Variants in DCLK1 observed in about 807,000 individuals in gnomAD.
DCLK1 encodes doublecortin like kinase 1, also known as serine/threonine-protein kinase DCLK1.
DCLK1 carries 16 observed loss-of-function variants against 86.2 expected under a neutral mutation model. The observed-to-expected ratio is 0.19, with a 90% confidence interval of 0.13 to 0.28. The LOEUF is 0.28. Among genes scored for constraint, DCLK1 ranks in the 10% least tolerant of loss-of-function variants. The pLI, the probability that DCLK1 is intolerant of heterozygous loss-of-function variation, is 1.00. For synonymous variants in DCLK1, 369 were observed against 370.5 expected (o/e 1.00, Z 0.05); for missense variants, 590 against 940.2 (o/e 0.63, Z 4.87).
intron 15 of DCLK1, among the ~76,000 whole-genome samples, chr13:35,794,346 G>A (rs921177893): frequency 0.011 from 1,672 of 152,302 alleles, 32 homozygotes; most frequent in African/African-American, 0.038. Flanking sequence ...ACAGATAATA[G>A]AGTGTTTGTA....
intron 8 of DCLK1, among the ~76,000 whole-genome samples, chr13:35,835,675 A>G (rs1869314295): frequency 6.6e-6 from 1 of 152,258 alleles, no homozygotes. Flanking sequence ...CATTACAGAC[A>G]TATACTCTCA....
chr13:35,924,448 G>C (rs561887226), intron 4 of DCLK1, among the ~76,000 whole-genome samples: 1 of 152,232 alleles, frequency 6.6e-6, no homozygotes, highest in Non-Finnish European at 1.5e-5. Flanking sequence ...TCAGGGGTTT[G>C]AGATCAGTCT....
chr13:35,854,046 A>T (rs923214020), intron 6 of DCLK1, among the ~76,000 whole-genome samples: 1 of 152,182 alleles, frequency 6.6e-6, no homozygotes, highest in African/African-American at 2.4e-5. Context: ...CCACAAAAGC[A>T]CGTGTCATAG....
intron 16 of DCLK1, among the ~76,000 whole-genome samples, chr13:35,783,680 G>A (rs2086570165): frequency 6.6e-6 from 1 of 151,982 alleles, no homozygotes; most frequent in African/African-American, 2.4e-5. Flanking sequence ...CGCCTCCCGG[G>A]CCCAAATGAT....
chr13:35,851,995 ATGTGTGTGTGTG>A (rs1555344390), intron 6 of DCLK1, among the ~76,000 whole-genome samples: 2 of 143,544 alleles, frequency 1.4e-5, no homozygotes, highest in African/African-American at 5.1e-5. Flanking sequence ...ATGTGTGTGT[ATGTGTGTGTGTG>A]TGTGTGTGTG....
chr13:35,846,745 G>T, intron 6 of DCLK1: 2 of 985,250 alleles, frequency 2.0e-6, no homozygotes, highest in Non-Finnish European at 2.4e-6. Flanking sequence ...AGAGATGCTA[G>T]CAAGGTTAAT....
rs1407018586 is a variant in DCLK1 at position 36,124,172 on chromosome 13, C to T, written c.376+1590G>A. ...GGACGGCTTGTTGACTGGTCATGCA[C>T]CTGACTTTGCGTATAACTTTTATCC... On this transcript the variant is annotated intron_variant, in intron 2 of 16. Transcript: ENST00000360631. Among the ~76,000 whole-genome samples, 5 of 152,200 alleles carry T rather than the reference C, an allele frequency of 3.3e-5. No homozygotes were observed. The East Asian group carries it at 7.7e-4, about 23-fold the overall frequency.
At chr13:36,028,950 C>T (rs1192232108) in intron 3 of DCLK1, among the ~76,000 whole-genome samples, 1 of 152,206 alleles carries the variant, frequency 6.6e-6, no homozygotes, top group African/African-American at 2.4e-5. Flanking sequence ...TTGCCCACCC[C>T]TTTCCCAGAA....
intron 3 of DCLK1, among the ~76,000 whole-genome samples, chr13:36,044,787 A>G (rs1882818925): frequency 6.6e-6 from 1 of 152,126 alleles, no homozygotes; most frequent in Non-Finnish European, 1.5e-5. Context: ...AACGTTAAAA[A>G]TCTAAACATG....
chr13:35,967,161 G>A (rs376579688), intron 3 of DCLK1, among the ~76,000 whole-genome samples: 25 of 149,604 alleles, frequency 1.7e-4, no homozygotes, highest in East Asian at 1.2e-3. Flanking sequence ...CCGCCACCCC[G>A]ACTGGGAGGT....
At chr13:35,895,484 T>C (rs1042828294) in intron 4 of DCLK1, among the ~76,000 whole-genome samples, 3 of 152,204 alleles carry the variant, frequency 2.0e-5, no homozygotes, top group African/African-American at 7.2e-5. Context: ...TTTTTCTACA[T>C]TGTATCTATT....
intron 3 of DCLK1, among the ~76,000 whole-genome samples, chr13:36,064,421 G>A (rs1016667156): frequency 6.6e-6 from 1 of 152,150 alleles, no homozygotes; most frequent in African/African-American, 2.4e-5. Context: ...AGTACTTTGG[G>A]AGGCTGAGGT....
chr13:36,011,555 C>T (rs1298309575), intron 3 of DCLK1, among the ~76,000 whole-genome samples: 2 of 147,044 alleles, frequency 1.4e-5, no homozygotes, highest in Non-Finnish European at 3.0e-5. Context: ...GATTCTTAAT[C>T]CTGAGTTCTA....
intron 3 of DCLK1, among the ~76,000 whole-genome samples, chr13:36,083,557 G>A (rs1383318890): frequency 6.6e-6 from 1 of 152,188 alleles, no homozygotes; most frequent in Non-Finnish European, 1.5e-5. Flanking sequence ...TCTTACAAAT[G>A]TGACTCAAAA....
chr13:35,858,220 G>C (rs954250690), intron 5 of DCLK1, among the ~76,000 whole-genome samples: 1 of 152,104 alleles, frequency 6.6e-6, no homozygotes, highest in African/African-American at 2.4e-5. Flanking sequence ...GTAGTGTCAT[G>C]GGGTGGAGGT....
intron 3 of DCLK1, among the ~76,000 whole-genome samples, chr13:36,085,721 AGTCT>A (rs1884569876): frequency 1.3e-5 from 2 of 152,170 alleles, no homozygotes; most frequent in South Asian, 4.1e-4. Flanking sequence ...AGAGAATACC[AGTCT>A]GCCATTAAGC....
intron 3 of DCLK1, among the ~76,000 whole-genome samples, chr13:36,015,562 T>G (rs1235534600): frequency 6.6e-6 from 1 of 152,198 alleles, no homozygotes; most frequent in Non-Finnish European, 1.5e-5. Flanking sequence ...AGAGCTTCTA[T>G]GATGCTGTGA....
At chr13:36,092,548 G>A (rs1884869052) in intron 3 of DCLK1, among the ~76,000 whole-genome samples, 1 of 142,088 alleles carries the variant, frequency 7.0e-6, no homozygotes, top group South Asian at 2.3e-4. Context: ...GTGCAGTGGC[G>A]GGATCTCGGC....
chr13:36,079,373 T>C (rs977395754), intron 3 of DCLK1, among the ~76,000 whole-genome samples: 2 of 152,152 alleles, frequency 1.3e-5, no homozygotes, highest in Admixed American at 6.5e-5. Flanking sequence ...CTCATGCCTA[T>C]AATCCCAAAA....
Sources: allele counts gnomAD v4.1 joint callset (sites outside exome capture counted in the v4.1 genomes callset), GRCh38; gene constraint gnomAD v4.1.1; transcripts MANE v1.5; gene names NCBI Gene and HGNC (gene_info 2026-07-23, HGNC 2026-07-21).